SKAP2: variants seen among roughly 807,000 people sequenced by gnomAD.
SKAP2 encodes src kinase associated phosphoprotein 2, also known as src kinase-associated phosphoprotein 2.
A neutral mutation model predicts 54.9 loss-of-function variants in SKAP2; 28 were observed. The ratio of observed to expected loss-of-function variants is 0.51; its 90% CI spans 0.38 to 0.70. SKAP2 has a LOEUF of 0.70. Ranked by LOEUF, SKAP2 falls within the 30% of genes least tolerant of loss-of-function variation. The pLI, the probability that SKAP2 is intolerant of heterozygous loss-of-function variation, is 0.00. For synonymous variants in SKAP2, 137 were observed against 134.3 expected (o/e 1.02, Z -0.14); for missense variants, 356 against 424.1 (o/e 0.84, Z 1.41).
rs538490036 is a variant in SKAP2, at chr7:26,835,037, T to C, written c.307+8993A>G. Among the ~76,000 whole-genome samples, 25 of 152,274 alleles carry C rather than the reference T, an allele frequency of 1.6e-4. No homozygotes were observed. In the South Asian group the frequency reaches 4.6e-3, roughly 28 times the overall value. ...TCGTCCCTAGGATGCAAGGCTGGTTTGACATATGCAAATCAATAAACATAA... is the reference window on the plus strand; with the variant it reads ...TCGTCCCTAGGATGCAAGGCTGGTTCGACATATGCAAATCAATAAACATAA... On this transcript the variant is annotated intron_variant, in intron 4 of 12. Coordinates refer to ENST00000345317, the MANE Select transcript of SKAP2 (RefSeq NM_003930.5).
Position 26,817,823 on chromosome 7 carries a change from A to T in SKAP2, c.307+26207T>A, listed in dbSNP as rs1784303006. On this transcript the variant is annotated intron_variant, in intron 4 of 12. Transcript: ENST00000345317. ...CAAACAGAGAGCCAAATCATGAGTG[A>T]ACTCCCATTCACAATTGCAACAAGA... is the stretch of plus-strand genomic sequence containing the variant. 2.0e-5 allele frequency among the ~76,000 whole-genome samples: 3 copies of T among 152,284 alleles called. No homozygotes were observed. In the South Asian group the frequency reaches 6.2e-4, roughly 32 times the overall value.
chr7:26,855,030 T>C, intron 1 of SKAP2, 140 bp from the exon 2 acceptor site: 1 of 579,136 alleles, frequency 1.7e-6, no homozygotes, highest in South Asian at 2.5e-5. Context: ...TTCCAAAGCA[T>C]AACAGTTGAA....
rs534471833 is a variant in SKAP2 at position 26,790,117 on chromosome 7, T to C, written c.308-50153A>G. On this transcript the variant is annotated intron_variant, in intron 4 of 12. Coordinates refer to ENST00000345317, the MANE Select transcript of SKAP2 (RefSeq NM_003930.5). ...ATTAATCATCACCTCTAACTGTTCA[T>C]TCTATAGTTAAACACCTTTATGAGC... is the stretch of plus-strand genomic sequence containing the variant. Among the ~76,000 whole-genome samples the C allele has an allele frequency of 3.3e-5, 5 of 152,288 alleles. No individual in the cohort carries two copies. In the East Asian group the frequency reaches 9.6e-4, roughly 29 times the overall value.
chr7:26,756,971 A>T (rs904663405), intron 4 of SKAP2, among the ~76,000 whole-genome samples: 1 of 152,136 alleles, frequency 6.6e-6, no homozygotes, highest in African/African-American at 2.4e-5. Flanking sequence ...GGCTGCATAA[A>T]TGTCTTCTTT....
intron 10 of SKAP2, among the ~76,000 whole-genome samples, chr7:26,688,664 T>C (rs984398341): frequency 6.6e-6 from 1 of 152,208 alleles, no homozygotes; most frequent in Admixed American, 6.5e-5. Context: ...TTTATAGCCA[T>C]TGCATGAAAG....
intron 6 of SKAP2, among the ~76,000 whole-genome samples, chr7:26,728,050 A>G (rs1328893877): frequency 2.0e-5 from 3 of 151,862 alleles, no homozygotes; most frequent in Non-Finnish European, 4.4e-5. Flanking sequence ...ATGTTAGGTC[A>G]TAGAGATTAT....
At chr7:26,827,996 CAA>C (rs1475013804) in intron 4 of SKAP2, among the ~76,000 whole-genome samples, 1 of 152,122 alleles carries the variant, frequency 6.6e-6, no homozygotes, top group African/African-American at 2.4e-5. Context: ...CATATCTTAA[CAA>C]GAGAGAAGAG....
intron 6 of SKAP2, among the ~76,000 whole-genome samples, chr7:26,735,460 T>C (rs1390449130): frequency 6.6e-6 from 1 of 152,178 alleles, no homozygotes; most frequent in Non-Finnish European, 1.5e-5. Flanking sequence ...CAATGGTAAG[T>C]GCATTATTTA....
At chr7:26,856,936 T>A (rs3801808) in intron 1 of SKAP2, among the ~76,000 whole-genome samples, 32,146 of 151,608 alleles carry the variant, frequency 0.21, 3,504 homozygotes, top group Non-Finnish European at 0.24. Context: ...AAGAGTTTTT[T>A]TCTTTAAAAG....
rs1584434035 is a variant in SKAP2 at position 26,864,406 on chromosome 7, G to A, written c.24C>T (p.Ser8=). The change falls in exon 1 of 13, where the codon TCC becomes TCT. Residue 8 remains serine, a synonymous_variant. Transcript: ENST00000345317. MPNPSST[S]SPYPLPEEIR... ...TTTCCTCAGGGAGGGGGTAGGGAGA[G>A]GAGGTGCTGCTGGGGTTGGGCATGT... The A allele has an allele frequency of 6.2e-7, 1 of 1,611,842 alleles. No individual in the cohort carries two copies. Among genetic ancestry groups the A allele is most frequent in the South Asian group, 1.1e-5 (1 of 90,970 alleles).
chr7:26,730,348 C>T (rs964885534), intron 6 of SKAP2, among the ~76,000 whole-genome samples: 1 of 152,076 alleles, frequency 6.6e-6, no homozygotes, highest in African/African-American at 2.4e-5. Flanking sequence ...GTCCATTTAC[C>T]CAGCACTGTG....
intron 4 of SKAP2, among the ~76,000 whole-genome samples, chr7:26,749,688 A>G (rs1021015355): frequency 1.3e-5 from 2 of 151,486 alleles, no homozygotes; most frequent in Admixed American, 1.3e-4. Context: ...GCTGCATATG[A>G]TAGTGCCACT....
intron 9 of SKAP2, among the ~76,000 whole-genome samples, chr7:26,705,846 T>C (rs1477577490): frequency 1.3e-5 from 2 of 152,198 alleles, no homozygotes; most frequent in African/African-American, 4.8e-5. Context: ...CAGGAGCCTG[T>C]CTCATGGGTA....
chr7:26,819,484 G>A (rs1037956307), intron 4 of SKAP2, among the ~76,000 whole-genome samples: 1 of 151,816 alleles, frequency 6.6e-6, no homozygotes, highest in Non-Finnish European at 1.5e-5. Flanking sequence ...ACGGGTTGAT[G>A]GGTGCAGGAA....
chr7:26,808,590 G>T (rs1165806032), intron 4 of SKAP2, among the ~76,000 whole-genome samples: 1 of 152,046 alleles, frequency 6.6e-6, no homozygotes, highest in Non-Finnish European at 1.5e-5. Context: ...CCACTGAAAT[G>T]TATACTTAAA....
At chr7:26,690,844 A>G (rs1370822577) in intron 9 of SKAP2, among the ~76,000 whole-genome samples, 1 of 152,222 alleles carries the variant, frequency 6.6e-6, no homozygotes, top group Non-Finnish European at 1.5e-5. Flanking sequence ...AACATCATAT[A>G]GCAAGGAGAA....
intron 4 of SKAP2, among the ~76,000 whole-genome samples, chr7:26,781,202 C>G (rs1455567531): frequency 1.3e-5 from 2 of 152,100 alleles, no homozygotes; most frequent in Non-Finnish European, 2.9e-5. Flanking sequence ...ATAAATGTGA[C>G]CCTCTTACAC....
At chr7:26,822,441 C>T (rs1398525196) in intron 4 of SKAP2, among the ~76,000 whole-genome samples, 5 of 152,108 alleles carry the variant, frequency 3.3e-5, no homozygotes, top group Non-Finnish European at 7.4e-5. Flanking sequence ...CTATGATCTG[C>T]ACTCATATAA....
chr7:26,682,016 A>AC (rs1332080197), intron 11 of SKAP2, among the ~76,000 whole-genome samples: 3 of 152,130 alleles, frequency 2.0e-5, no homozygotes, highest in African/African-American at 7.2e-5. Context: ...GTAAAAAAAA[A>AC]CAGAAAGGTA....
Sources: gnomAD v4.1 joint callset for allele counts (sites outside exome capture counted in the v4.1 genomes callset) on GRCh38, gnomAD v4.1.1 for gene constraint, MANE v1.5 for transcripts, NCBI Gene and HGNC (gene_info 2026-07-23, HGNC 2026-07-21) for gene names.